Variants in SLC2A13 observed in about 807,000 individuals in gnomAD.
The protein encoded by SLC2A13 is solute carrier family 2 member 13, also known as proton myo-inositol cotransporter.
A neutral mutation model predicts 64.4 loss-of-function variants in SLC2A13; 32 were observed. The observed-to-expected ratio is 0.50, with a 90% CI of 0.37 to 0.67. SLC2A13 has a LOEUF of 0.67. SLC2A13 is among the 30% of genes least tolerant of loss of function. The pLI is 0.00. For synonymous variants in SLC2A13, 338 were observed against 327.1 expected (o/e 1.03, Z -0.36); for missense variants, 743 against 829.2 (o/e 0.90, Z 1.28).
chr12:40,046,599 G>C (rs1450653255), intron 2 of SLC2A13, among the ~76,000 whole-genome samples: 2 of 151,236 alleles, frequency 1.3e-5, no homozygotes, highest in African/African-American at 4.9e-5. Context: ...ACTGAAAACA[G>C]TTATCGTCTT....
At chr12:40,026,616 C>T (rs1947812519) in intron 3 of SLC2A13, among the ~76,000 whole-genome samples, 1 of 152,102 alleles carries the variant, frequency 6.6e-6, no homozygotes, top group Non-Finnish European at 1.5e-5. Flanking sequence ...TCAATGATAT[C>T]CATATCCCTA....
intron 7 of SLC2A13, among the ~76,000 whole-genome samples, chr12:39,765,680 TC>T (rs1472719435): frequency 6.6e-6 from 1 of 152,030 alleles, no homozygotes; most frequent in Non-Finnish European, 1.5e-5. Flanking sequence ...CCTCCTCTCA[TC>T]CCCTGCCACA....
At chr12:40,023,997 G>A (rs1399019083) in intron 3 of SLC2A13, among the ~76,000 whole-genome samples, 1 of 152,204 alleles carries the variant, frequency 6.6e-6, no homozygotes, top group Non-Finnish European at 1.5e-5. Flanking sequence ...GCTGCTTCCT[G>A]TTATAATAAC....
intron 1 of SLC2A13, among the ~76,000 whole-genome samples, chr12:40,091,873 A>G (rs1938779267): frequency 6.6e-6 from 1 of 152,232 alleles, no homozygotes; most frequent in African/African-American, 2.4e-5. Context: ...ATGTTTTCTG[A>G]GCATGTGCTA....
chr12:39,861,202 A>G lies in SLC2A13; in HGVS notation c.1319+3560T>C, dbSNP rs927930155. On this transcript the variant is annotated intron_variant, in intron 6 of 9. Transcript: ENST00000280871. ...AAGGTAATCTTCTCTGAGTGCCATC[A>G]TCCCAACTTCATCTTCTATTACAGG... Among the ~76,000 whole-genome samples, 6 of 152,216 alleles carry G rather than the reference A, an allele frequency of 3.9e-5. No homozygotes were observed. In the East Asian group the frequency reaches 1.2e-3, roughly 29 times the overall value.
chr12:39,817,571 T>A (rs1393443758), intron 7 of SLC2A13, among the ~76,000 whole-genome samples: 1 of 152,150 alleles, frequency 6.6e-6, no homozygotes, highest in Non-Finnish European at 1.5e-5. Context: ...TGATGGCAGC[T>A]AAGGGGGTTA....
intron 7 of SLC2A13, among the ~76,000 whole-genome samples, chr12:39,769,692 G>A (rs185196224): frequency 1.3e-4 from 19 of 151,776 alleles, no homozygotes; most frequent in South Asian, 6.3e-4. Flanking sequence ...GCCCTATTTA[G>A]TTTCATCCTA....
chr12:39,870,838 G>A (rs1456691893), intron 5 of SLC2A13, among the ~76,000 whole-genome samples: 2 of 152,178 alleles, frequency 1.3e-5, no homozygotes, highest in African/African-American at 2.4e-5. Context: ...TCAGGAGAGG[G>A]TATGTATTTC....
At chr12:40,015,709 C>T (rs1234466603) in intron 3 of SLC2A13, among the ~76,000 whole-genome samples, 1 of 152,134 alleles carries the variant, frequency 6.6e-6, no homozygotes, top group Non-Finnish European at 1.5e-5. Flanking sequence ...GTTCCTTCAT[C>T]AGCATGTATA....
intron 7 of SLC2A13, among the ~76,000 whole-genome samples, chr12:39,775,584 T>C (rs1198898248): frequency 1.3e-5 from 2 of 152,230 alleles, no homozygotes; most frequent in African/African-American, 4.8e-5. Flanking sequence ...TTTCTCTTAT[T>C]CCATTATCAC....
chr12:39,987,151 A>T (rs1274754924), intron 3 of SLC2A13, among the ~76,000 whole-genome samples: 1 of 152,198 alleles, frequency 6.6e-6, no homozygotes, highest in East Asian at 1.9e-4. Flanking sequence ...AAGAAAACAA[A>T]CCTATAGCTT....
At chr12:39,981,268 G>A (rs1367385230) in intron 3 of SLC2A13, among the ~76,000 whole-genome samples, 4 of 150,788 alleles carry the variant, frequency 2.7e-5, no homozygotes, top group African/African-American at 9.8e-5. Context: ...AAAAGAACTA[G>A]AAAAGCAAGA....
At chr12:39,885,851 T>C (rs1565519714) in intron 4 of SLC2A13, among the ~76,000 whole-genome samples, 2 of 152,210 alleles carry the variant, frequency 1.3e-5, no homozygotes, top group Non-Finnish European at 2.9e-5. Flanking sequence ...AGCCTCCTCC[T>C]ACCCAGGATT....
Position 39,952,314 on chromosome 12 carries a change from C to T in SLC2A13, c.926-949G>A, listed in dbSNP as rs537707235. 2.0e-5 allele frequency among the ~76,000 whole-genome samples: 3 copies of T among 152,280 alleles called. No homozygotes were observed. The East Asian group carries it at 5.8e-4, about 29-fold the overall frequency. On this transcript the variant is annotated intron_variant, in intron 3 of 9. Transcript: ENST00000280871. ...ACTCCCAGGACCTATGGTATTCCCG[C>T]TGTTAGAAGAGATGGCCTGGGATCA...
intron 7 of SLC2A13, among the ~76,000 whole-genome samples, chr12:39,796,217 G>A (rs960160246): frequency 3.9e-5 from 6 of 152,130 alleles, no homozygotes; most frequent in Admixed American, 2.6e-4. Context: ...CTCCCACGAT[G>A]TAGGGGGTAG....
At chr12:40,005,855 T>A (rs1007997540) in intron 3 of SLC2A13, among the ~76,000 whole-genome samples, 1 of 152,194 alleles carries the variant, frequency 6.6e-6, no homozygotes, top group African/African-American at 2.4e-5. Context: ...AAAGGCTATT[T>A]TAAGTCCGTG....
chr12:40,047,762 GCATT>G (rs1235576762), intron 2 of SLC2A13, among the ~76,000 whole-genome samples: 1 of 152,132 alleles, frequency 6.6e-6, no homozygotes, highest in Non-Finnish European at 1.5e-5. Context: ...ATTTATCACT[GCATT>G]CATTTTTAAA....
intron 7 of SLC2A13, among the ~76,000 whole-genome samples, chr12:39,774,257 A>G (rs1940691117): frequency 6.6e-6 from 1 of 152,162 alleles, no homozygotes; most frequent in African/African-American, 2.4e-5. Context: ...TCCCAACCAG[A>G]GATTTAGGAT....
intron 4 of SLC2A13, among the ~76,000 whole-genome samples, chr12:39,899,976 A>G (rs908337991): frequency 2.6e-5 from 4 of 151,986 alleles, no homozygotes; most frequent in African/African-American, 9.7e-5. Context: ...GCAGCACATC[A>G]AAAAGCTTAT....
Sources: allele counts gnomAD v4.1 joint callset (sites outside exome capture counted in the v4.1 genomes callset), GRCh38; gene constraint gnomAD v4.1.1; transcripts MANE v1.5; gene names NCBI Gene and HGNC (gene_info 2026-07-23, HGNC 2026-07-21).